The following MBTPS1 variants were observed in gnomAD, a reference collection of about 807,000 sequenced individuals.
MBTPS1 encodes membrane-bound transcription factor site-1 protease.
MBTPS1 carries 94 observed loss-of-function variants against 127.8 expected under a neutral mutation model. The ratio of observed to expected loss-of-function variants is 0.74; its 90% CI spans 0.62 to 0.87. The LOEUF (loss-of-function observed/expected upper bound fraction) is 0.87, where lower values mean the gene tolerates loss of function less well. Among genes scored for constraint, MBTPS1 ranks in the 40% least tolerant of loss-of-function variants. MBTPS1 has a pLI of 0.00. For missense variants in MBTPS1, 1,636 were observed against 1,353.2 expected (o/e 1.21, Z -3.28); for synonymous variants, 632 against 509.4 (o/e 1.24, Z -3.24).
chr16:84,070,840 C>G (rs749675789), intron 12 of MBTPS1, 64 bp from the exon 13 acceptor site: 28 of 1,319,922 alleles, frequency 2.1e-5, no homozygotes, highest in Non-Finnish European at 2.8e-5. Flanking sequence ...CACGTGGAAA[C>G]CAGAAAAACT....
chr16:84,100,075 C>A (rs530151370), intron 2 of MBTPS1, among the ~76,000 whole-genome samples: 1 of 152,212 alleles, frequency 6.6e-6, no homozygotes, highest in Non-Finnish European at 1.5e-5. Context: ...CTGCACCTCC[C>A]AGCTCCCCAC....
At chr16:84,070,459 G>T in intron 13 of MBTPS1, 129 bp downstream of exon 13, 1 of 893,176 alleles carries the variant, frequency 1.1e-6, no homozygotes, top group Non-Finnish European at 1.7e-6. Context: ...ACCATCAATT[G>T]TGGCCATCGA....
intron 11 of MBTPS1, among the ~76,000 whole-genome samples, chr16:84,081,060 C>A (rs554329847): frequency 6.6e-6 from 1 of 152,306 alleles, no homozygotes; most frequent in African/African-American, 2.4e-5. Context: ...ACCTGTGGGA[C>A]AATGGGCGGA....
chr16:84,090,972 T>C (rs749803678), intron 7 of MBTPS1, 30 bp from the exon 8 acceptor site: 2 of 1,404,978 alleles, frequency 1.4e-6, no homozygotes, highest in African/African-American at 2.9e-5. Context: ...TTAATGAAAG[T>C]ATCCCTTTCA....
rs761591624 is a variant in MBTPS1 at position 84,105,467 on chromosome 16, G to A, written c.-324-3360C>T. Among the ~76,000 whole-genome samples, 5 of 152,100 alleles carry A rather than the reference G, an allele frequency of 3.3e-5. No homozygotes were observed. The South Asian group carries it at 8.3e-4, about 25-fold the overall frequency. ...AGTTCTCTCCGGGCTGTGAAGAGGC[G>A]GCTTCTGCTGGGGAGGGGGCACTGC... is the stretch of plus-strand genomic sequence containing the variant. On this transcript the variant is annotated intron_variant, in intron 1 of 22. Transcript: ENST00000343411.
intron 19 of MBTPS1, among the ~76,000 whole-genome samples, chr16:84,062,346 C>T (rs950458072): frequency 1.3e-5 from 2 of 152,190 alleles, no homozygotes; most frequent in Admixed American, 1.3e-4. Context: ...GTCATGAACT[C>T]CTGACCTTGT....
intron 1 of MBTPS1, among the ~76,000 whole-genome samples, chr16:84,107,853 C>T (rs1315225741): frequency 6.7e-6 from 1 of 149,674 alleles, no homozygotes; most frequent in Non-Finnish European, 1.5e-5. Flanking sequence ...TACAATACGG[C>T]ACTATGTCCA....
intron 19 of MBTPS1, among the ~76,000 whole-genome samples, chr16:84,062,495 G>T (rs1184746504): frequency 1.3e-5 from 2 of 152,174 alleles, no homozygotes; most frequent in African/African-American, 4.8e-5. Flanking sequence ...ACTTCAGCCT[G>T]AAACGGAGGG....
intron 8 of MBTPS1, 92 bp downstream of exon 8, chr16:84,090,783 G>A (rs2086093958): frequency 5.6e-6 from 5 of 896,826 alleles, no homozygotes; most frequent in Non-Finnish European, 3.6e-6. Context: ...ACATAAACAA[G>A]TAACCATAGG....
intron 3 of MBTPS1, among the ~76,000 whole-genome samples, chr16:84,098,424 A>G (rs1417600699): frequency 6.6e-6 from 1 of 152,146 alleles, no homozygotes; most frequent in African/African-American, 2.4e-5. Flanking sequence ...CAGCCTGACC[A>G]ATATGGAGAA....
At chr16:84,115,893 G>A (rs964752616) in intron 1 of MBTPS1, among the ~76,000 whole-genome samples, 1 of 151,552 alleles carries the variant, frequency 6.6e-6, no homozygotes, top group Middle Eastern at 3.4e-3. Flanking sequence ...CTTCAATGAA[G>A]CTCTTACATT....
In MBTPS1 at chr16:84,081,784, C is replaced by G. The variant is rs1376599426; in HGVS notation, c.1411G>C (p.Ala471Pro). 11 of 1,508,166 alleles carry G rather than the reference C, an allele frequency of 7.3e-6. No homozygotes were observed. Among genetic ancestry groups the G allele is most frequent in the Non-Finnish European group, 9.8e-6 (11 of 1,126,878 alleles). The allele number at this position is 1,508,166 out of a possible 1,614,324, so 93.4% of individuals were successfully genotyped here. A position where few individuals can be genotyped will look rare whatever the true frequency, so the allele number is the denominator to read the frequency against. ...TTGTAGCTGTTGAGGATCTGATAGG[C>G]TCTGAGCAGATCGAGCTTGCCGTGG... Reference protein sequence around the residue: ...QGHGKLDLLRAYQILNSYKPQ... With the variant: ...QGHGKLDLLRPYQILNSYKPQ... Residue 471 changes from alanine to proline, a missense_variant, in exon 11 of 23, where the codon GCC (alanine) becomes CCC (proline). By Grantham distance (27) the Ala-to-Pro change is conservative. Transcript: ENST00000343411.
chr16:84,113,453 A>G (rs2086426567), intron 1 of MBTPS1, among the ~76,000 whole-genome samples: 1 of 152,268 alleles, frequency 6.6e-6, no homozygotes, highest in African/African-American at 2.4e-5. Context: ...GACACCGTTC[A>G]AATTATAGAA....
chr16:84,087,398 T>C lies in MBTPS1; in HGVS notation c.1094A>G (p.Asp365Gly), dbSNP rs1226321681. Residue 365 changes from aspartate (D) to glycine (G), a missense_variant, in exon 9 of 23, where the codon GAT becomes GGT. Asp to Gly is a moderately conservative substitution (Grantham distance 94, BLOSUM62 -1). Transcript: ENST00000343411. Reference sequence around the variant, plus strand: ...CCTTGAAGAAAAGCGGGCGATGTTATCTTCAAAGTCAATGCCGCCTACTCC... The same window carrying C: ...CCTTGAAGAAAAGCGGGCGATGTTACCTTCAAAGTCAATGCCGCCTACTCC... Reference protein sequence around the residue: ...VIGVGGIDFEDNIARFSSRGM... With the variant: ...VIGVGGIDFEGNIARFSSRGM... The C allele has an allele frequency of 6.2e-7, 1 of 1,612,282 alleles. No homozygotes were observed. Among genetic ancestry groups the C allele is most frequent in the Non-Finnish European group, 8.5e-7 (1 of 1,179,836 alleles).
At chr16:84,113,266 A>C (rs1298589994) in intron 1 of MBTPS1, among the ~76,000 whole-genome samples, 2 of 152,220 alleles carry the variant, frequency 1.3e-5, no homozygotes, top group Admixed American at 6.5e-5. Context: ...TATCCACTAA[A>C]TGTTAACTGG....
intron 11 of MBTPS1, among the ~76,000 whole-genome samples, chr16:84,080,595 G>A (rs1048885648): frequency 2.0e-5 from 3 of 152,244 alleles, no homozygotes; most frequent in African/African-American, 4.8e-5. Flanking sequence ...CCAAGGCCAC[G>A]CTTCCCCTGG....
At chr16:84,060,845 C>CA in intron 19 of MBTPS1, 32 bp from the exon 20 acceptor site, 1 of 1,189,442 alleles carries the variant, frequency 8.4e-7, no homozygotes, top group South Asian at 1.6e-5. Flanking sequence ...TTAGGAATTC[C>CA]TTTTTTTTTT....
intron 14 of MBTPS1, 56 bp from the exon 15 acceptor site, chr16:84,068,510 C>T (rs1205726616): frequency 8.0e-7 from 1 of 1,254,868 alleles, no homozygotes; most frequent in African/African-American, 1.5e-5. Context: ...GCAATAAAGG[C>T]ATATCTGGCC....
At chr16:84,061,956 G>T (rs910334115) in intron 19 of MBTPS1, among the ~76,000 whole-genome samples, 1 of 152,114 alleles carries the variant, frequency 6.6e-6, no homozygotes, top group Admixed American at 6.5e-5. Flanking sequence ...CCTGAAAGAT[G>T]AAAAAAGCTG....
Sources: allele counts gnomAD v4.1 joint callset (sites outside exome capture counted in the v4.1 genomes callset), GRCh38; gene constraint gnomAD v4.1.1; transcripts MANE v1.5; gene names NCBI Gene and HGNC (gene_info 2026-07-23, HGNC 2026-07-21).